Variants in ZDHHC20 observed in about 807,000 individuals in gnomAD.
The protein encoded by ZDHHC20 is zDHHC palmitoyltransferase 20, also known as palmitoyltransferase ZDHHC20.
A neutral mutation model predicts 57.8 loss-of-function variants in ZDHHC20; 43 were observed. The observed-to-expected ratio is 0.74, with a 90% CI of 0.58 to 0.96. The LOEUF is 0.96. Ranked by LOEUF, ZDHHC20 falls within the 40% of genes least tolerant of loss-of-function variation. ZDHHC20 has a pLI of 0.00. For synonymous variants in ZDHHC20, 157 were observed against 153.0 expected (o/e 1.03, Z -0.19); for missense variants, 391 against 441.1 (o/e 0.89, Z 1.02).
intron 9 of ZDHHC20, among the ~76,000 whole-genome samples, chr13:21,383,337 G>C (rs141530876): frequency 6.6e-6 from 1 of 152,102 alleles, no homozygotes; most frequent in Non-Finnish European, 1.5e-5. Flanking sequence ...TTTTATAAAC[G>C]GGAGTTCCCC....
chr13:21,438,187 T>C (rs933358495), intron 1 of ZDHHC20, among the ~76,000 whole-genome samples: 3 of 152,216 alleles, frequency 2.0e-5, no homozygotes, highest in African/African-American at 7.2e-5. Flanking sequence ...CATTTCAACT[T>C]TCAAGCCTTA....
intron 1 of ZDHHC20, among the ~76,000 whole-genome samples, chr13:21,454,652 G>C (rs1884756657): frequency 6.6e-6 from 1 of 152,040 alleles, no homozygotes; most frequent in African/African-American, 2.4e-5. Flanking sequence ...ACAGAAAAGA[G>C]AAAAATCAAT....
At chr13:21,453,194 A>G (rs1228657451) in intron 1 of ZDHHC20, among the ~76,000 whole-genome samples, 1 of 152,248 alleles carries the variant, frequency 6.6e-6, no homozygotes, top group Non-Finnish European at 1.5e-5. Context: ...AGCAGATTTC[A>G]GAGTAAACAA....
chr13:21,414,588 G>C (rs1382254172), intron 3 of ZDHHC20, among the ~76,000 whole-genome samples: 1 of 143,864 alleles, frequency 7.0e-6, no homozygotes, highest in African/African-American at 2.5e-5. Context: ...AGCCAGGATG[G>C]TCTCGATCTC....
intron 1 of ZDHHC20, among the ~76,000 whole-genome samples, chr13:21,434,240 C>G (rs1285192592): frequency 6.6e-6 from 1 of 152,196 alleles, no homozygotes; most frequent in Non-Finnish European, 1.5e-5. Context: ...ACATTTGTAT[C>G]TCCTTTTTCC....
chr13:21,409,717 G>A (rs1878951673), intron 4 of ZDHHC20, among the ~76,000 whole-genome samples: 1 of 151,956 alleles, frequency 6.6e-6, no homozygotes, highest in South Asian at 2.1e-4. Context: ...AAGTTCTCGT[G>A]GTGTGTTTTT....
intron 7 of ZDHHC20, among the ~76,000 whole-genome samples, chr13:21,399,539 C>T (rs1877313336): frequency 6.6e-6 from 1 of 151,926 alleles, no homozygotes; most frequent in South Asian, 2.1e-4. Context: ...AAAATATATA[C>T]TTCCATACTA....
At chr13:21,395,496 C>CTTTTT (rs201405874) in intron 7 of ZDHHC20, among the ~76,000 whole-genome samples, 84 of 120,474 alleles carry the variant, frequency 7.0e-4, no homozygotes, top group East Asian at 9.6e-4. Flanking sequence ...CTTTTCTTTT[C>CTTTTT]TTTTTTTTTT....
At chr13:21,453,753 T>C (rs1884667303) in intron 1 of ZDHHC20, among the ~76,000 whole-genome samples, 1 of 152,164 alleles carries the variant, frequency 6.6e-6, no homozygotes, top group Non-Finnish European at 1.5e-5. Context: ...TAATTTGAAT[T>C]TTGAAGGGTG....
Position 21,459,063 on chromosome 13 carries a change from G to A in ZDHHC20, c.109C>T (p.Leu37Phe). The change falls in exon 1 of 13, where the codon CTC becomes TTC. Residue 37 changes from leucine to phenylalanine, a missense_variant. Leu to Phe is a conservative substitution (Grantham distance 22). This residue lies in a region of ZDHHC20 where 185 missense variants were observed against 188.0 expected (regional missense o/e 0.98). Transcript: ENST00000400590. ...CGGGGACGGTACTCACACACGCAGA[G>A]CTCCACCACGTACGCGTAGTAGGAC... ...VWSYYAYVVELCVFTIFGNEE... is the reference protein window; with the variant it reads ...VWSYYAYVVEFCVFTIFGNEE... 1 of 1,599,844 alleles carries A rather than the reference G, an allele frequency of 6.3e-7. No individual in the cohort carries two copies. Among genetic ancestry groups the A allele is most frequent in the Non-Finnish European group, 8.5e-7 (1 of 1,174,298 alleles).
At chr13:21,412,629 C>T (rs994047749) in intron 4 of ZDHHC20, among the ~76,000 whole-genome samples, 2 of 151,784 alleles carry the variant, frequency 1.3e-5, no homozygotes, top group East Asian at 1.9e-4. Flanking sequence ...GGAAGTGAGG[C>T]CCTGGATACA....
intron 1 of ZDHHC20, among the ~76,000 whole-genome samples, chr13:21,436,038 GGGTGTGAC>G (rs1392131783): frequency 4.6e-5 from 7 of 152,240 alleles, no homozygotes; most frequent in Admixed American, 4.6e-4. Flanking sequence ...GCACCAGGAA[GGGTGTGAC>G]CTTGGGTGAT....
chr13:21,413,224 C>T (rs1879470838), intron 4 of ZDHHC20, among the ~76,000 whole-genome samples: 1 of 152,014 alleles, frequency 6.6e-6, no homozygotes, highest in South Asian at 2.1e-4. Context: ...GAATATTAGC[C>T]TTATACATCT....
intron 1 of ZDHHC20, among the ~76,000 whole-genome samples, chr13:21,455,765 C>T (rs1012002609): frequency 6.6e-6 from 1 of 151,926 alleles, no homozygotes; most frequent in Non-Finnish European, 1.5e-5. Context: ...CAACTGTGGG[C>T]CAGGTATTTT....
intron 1 of ZDHHC20, 117 bp downstream of exon 1, chr13:21,458,937 C>T (rs1180114105): frequency 1.9e-5 from 14 of 719,592 alleles, no homozygotes; most frequent in Admixed American, 8.4e-5. Flanking sequence ...CGTTCGGGGC[C>T]GGACGCCCGG....
chr13:21,412,030 A>G (rs1879282783), intron 4 of ZDHHC20, among the ~76,000 whole-genome samples: 1 of 152,240 alleles, frequency 6.6e-6, no homozygotes, highest in Non-Finnish European at 1.5e-5. Flanking sequence ...ATTGAAGGGC[A>G]CATGCCAAGG....
intron 1 of ZDHHC20, among the ~76,000 whole-genome samples, chr13:21,429,693 C>T (rs930163987): frequency 3.3e-5 from 5 of 152,110 alleles, no homozygotes; most frequent in South Asian, 2.1e-4. Flanking sequence ...TCAACCATAT[C>T]GTCTTTCTTC....
chr13:21,448,908 G>C (rs999890289), intron 1 of ZDHHC20, among the ~76,000 whole-genome samples: 9 of 95,018 alleles, frequency 9.5e-5, no homozygotes, highest in African/African-American at 3.1e-4. Flanking sequence ...CTGTTGATCT[G>C]TGACCTTACC....
At chr13:21,409,928 G>A (rs913851793) in intron 4 of ZDHHC20, among the ~76,000 whole-genome samples, 1 of 152,158 alleles carries the variant, frequency 6.6e-6, no homozygotes, top group Non-Finnish European at 1.5e-5. Context: ...TTCCCTTGCT[G>A]GCAAGGAGTT....
Sources: gnomAD v4.1 joint callset for allele counts (sites outside exome capture counted in the v4.1 genomes callset) on GRCh38, gnomAD v4.1.1 for gene constraint, gnomAD v4.1.1 regional missense constraint, MANE v1.5 for transcripts, NCBI Gene and HGNC (gene_info 2026-07-23, HGNC 2026-07-21) for gene names.